MUS81: variants seen among roughly 807,000 people sequenced by gnomAD.
The protein encoded by MUS81 is MUS81 structure-specific endonuclease subunit.
In MUS81, 69 loss-of-function variants were observed where a neutral mutation model predicts 74.2. The ratio of observed to expected loss-of-function variants is 0.93; its 90% CI spans 0.77 to 1.14. MUS81 has a LOEUF of 1.14. Among genes scored for constraint, MUS81 ranks in the 50% most tolerant of loss-of-function variants. The probability of loss-of-function intolerance (pLI) is 0.00; values close to 1 mark genes in which losing one functional copy is unlikely to be tolerated. For synonymous variants in MUS81, 303 were observed against 300.6 expected, an observed-to-expected ratio of 1.01 and a Z score of -0.08; for missense variants, 711 against 726.5, an observed-to-expected ratio of 0.98 and a Z score of 0.25.
intron 2 of MUS81, 84 bp downstream of exon 2, chr11:65,861,186 A>G (rs914626419): frequency 2.5e-4 from 404 of 1,596,176 alleles, no homozygotes; most frequent in Non-Finnish European, 2.1e-4. Flanking sequence ...TTGGCTTTTA[A>G]GCTCCCCACT....
rs763891150 is a variant in MUS81 at position 65,864,748 on chromosome 11, C to G, written c.1205C>G (p.Thr402Arg). ...ATTGATGGCTTTTTTGTGAAGCGCACAGCAGACATTAAGGAGTCAGCCGCC... is the reference window on the plus strand; with the variant it reads ...ATTGATGGCTTTTTTGTGAAGCGCAGAGCAGACATTAAGGAGTCAGCCGCC... ...QVIDGFFVKR[T>R]ADIKESAAYL... The change falls in exon 12 of 16, where the codon ACA becomes AGA. Residue 402 changes from threonine (T) to arginine (R), a missense_variant. Physicochemically the swap from Thr to Arg is moderately conservative, Grantham distance 71. Coordinates refer to ENST00000308110, the MANE Select transcript of MUS81 (RefSeq NM_025128.5). 1.9e-6 allele frequency: 3 copies of G among 1,614,098 alleles called. No individual in the cohort carries two copies. The highest frequency in any genetic ancestry group is 1.6e-4 in the Middle Eastern group (1 of 6,062).
chr11:65,860,967 G>C lies in MUS81; in HGVS notation c.136-6G>C. ...CTGACCAGGTACCCTACCCCTGCCC[G>C]GCCAGGCGCTGCGTTCCCTCCGACG... On this transcript the variant is annotated splice_region_variant and splice_polypyrimidine_tract_variant and intron_variant, in intron 1 of 15. Coordinates refer to ENST00000308110, the MANE Select transcript of MUS81 (RefSeq NM_025128.5). 6.2e-7 allele frequency: 1 copy of C among 1,611,470 alleles called. No individual in the cohort carries two copies.
chr11:65,864,647 A>G, intron 11 of MUS81, 34 bp downstream of exon 11: 2 of 1,611,878 alleles, frequency 1.2e-6, no homozygotes, highest in Non-Finnish European at 1.7e-6. Context: ...GCAGGCAGGC[A>G]GGGGCCCCTG....
Position 65,864,937 on chromosome 11 carries a change from C to T in MUS81, c.1273-80C>T. 4 of 1,593,098 alleles carry T rather than the reference C, an allele frequency of 2.5e-6. No homozygotes were observed. In the Admixed American group the frequency reaches 5.1e-5, roughly 20 times the overall value. The stretch of plus-strand genomic sequence containing the variant: ...GATCCCCATTTCTCAGGCTGGCCCC[C>T]CAAGGCTGAGGACTGGGCAGGGGCT... On this transcript the variant is annotated intron_variant, in intron 12 of 15. Transcript: ENST00000308110.
chr11:65,862,499 A>C lies in MUS81; in HGVS notation c.575A>C (p.Asn192Thr), dbSNP rs773358939. 2 of 1,613,572 alleles carry C rather than the reference A, an allele frequency of 1.2e-6. No individual in the cohort carries two copies. The highest frequency in any genetic ancestry group is 1.3e-5 in the African/African-American group (1 of 74,924). ...GCCCTCCGCTCCCTCCTTCACAGGA[A>C]CCTGGTCCTCAGGACACACCAGCCA... Reference protein sequence around the residue: ...WPALRSLLHRNLVLRTHQPAR... With the variant: ...WPALRSLLHRTLVLRTHQPAR... The change falls in exon 6 of 16, where the codon AAC (asparagine) becomes ACC (threonine). Residue 192 changes from asparagine to threonine, a missense_variant. Coordinates refer to ENST00000308110, the MANE Select transcript of MUS81 (RefSeq NM_025128.5).
At position 65,863,701 on chromosome 11, in the gene MUS81, A is replaced by G; in HGVS notation, c.941A>G (p.Glu314Gly). 2 of 1,614,022 alleles carry G rather than the reference A, an allele frequency of 1.2e-6. No homozygotes were observed. The highest frequency in any genetic ancestry group is 1.7e-6 in the Non-Finnish European group (2 of 1,179,968). The change falls in exon 9 of 16, where the codon GAG (glutamate) becomes GGG (glycine). Residue 314 changes from glutamate (E) to glycine (G), a missense_variant. By Grantham distance (98) the Glu-to-Gly change is moderately conservative. Transcript: ENST00000308110. The stretch of plus-strand genomic sequence containing the variant: ...GGAGATTTTGTGTGGGTGGCCCAGG[A>G]GACCAATCCTAGAGACCCAGGTGAA... ...HVGDFVWVAQETNPRDPANPG... is the reference protein window; with the variant it reads ...HVGDFVWVAQGTNPRDPANPG...
chr11:65,867,098 G>T (rs543697634), downstream of MUS81: 2 of 1,613,604 alleles, frequency 1.2e-6, no homozygotes, highest in Non-Finnish European at 8.5e-7. Flanking sequence ...CAGTGGGTGG[G>T]GGGACATATA....
At chr11:65,862,951 C>A (rs934787592) in intron 6 of MUS81, 114 bp from the exon 7 acceptor site, 2 of 1,374,692 alleles carry the variant, frequency 1.5e-6, no homozygotes, top group South Asian at 2.4e-5. Flanking sequence ...CCACTGGGGT[C>A]ATTTGTGCAG....
intron 14 of MUS81, 119 bp from the exon 15 acceptor site, chr11:65,865,692 G>A: frequency 9.4e-7 from 1 of 1,058,500 alleles, no homozygotes; most frequent in Non-Finnish European, 1.4e-6. Flanking sequence ...GCCAAGCTCA[G>A]GAAGTGGGGC....
chr11:65,866,636 G>A (rs572394429), downstream of MUS81: 554 of 703,324 alleles, frequency 7.9e-4, no homozygotes, highest in Non-Finnish European at 1.2e-3. Context: ...CGCCCTCCTC[G>A]TTACCTCCTC....
In MUS81 at chr11:65,860,769, C is replaced by G; in HGVS notation, c.16C>G (p.Arg6Gly). 1 of 1,535,150 alleles carries G rather than the reference C, an allele frequency of 6.5e-7. No homozygotes were observed. The change falls in exon 1 of 16, where the codon CGC becomes GGC. Residue 6 changes from arginine to glycine, a missense_variant. By Grantham distance (125) the Arg-to-Gly change is moderately radical. Coordinates refer to ENST00000308110, the MANE Select transcript of MUS81 (RefSeq NM_025128.5). The part of the protein sequence containing the change: MAAPV[R>G]LGRKRPLPAC... ...CCTCGGGCTCATGGCGGCCCCGGTC[C>G]GCCTGGGCCGGAAGCGCCCGCTGCC...
At position 65,865,324 on chromosome 11, in the gene MUS81, G is replaced by T. The variant is rs113133056; in HGVS notation, c.1505+1G>T. ...TGGATCGATACAGCACCCCTGCCAG[G>T]TAGGCCCTAAAGGGCCCTTAGGTGT... On this transcript the variant is annotated splice_donor_variant, in intron 14 of 15. Coordinates refer to ENST00000308110, the MANE Select transcript of MUS81 (RefSeq NM_025128.5). LOFTEE classifies it high-confidence loss of function. 1 of 1,613,346 alleles carries T rather than the reference G, an allele frequency of 6.2e-7. No homozygotes were observed. The highest frequency in any genetic ancestry group is 8.5e-7 in the Non-Finnish European group (1 of 1,179,624).
intron 3 of MUS81, chr11:65,861,678 A>T: frequency 1.7e-6 from 1 of 601,382 alleles, no homozygotes; most frequent in Non-Finnish European, 2.9e-6. Context: ...CGGGGTCACC[A>T]TTATTGAGTT....
chr11:65,860,419 C>G, upstream of MUS81: 1 of 511,118 alleles, frequency 2.0e-6, no homozygotes. Flanking sequence ...AGACCCCGCT[C>G]TCGAATCTGG....
chr11:65,865,397 C>T (rs1047015856), intron 14 of MUS81, 74 bp downstream of exon 14: 6 of 1,432,554 alleles, frequency 4.2e-6, no homozygotes, highest in Non-Finnish European at 4.8e-6. Context: ...ATCCATGCTT[C>T]GTGGAGGGGG....
intron 7 of MUS81, 21 bp from the exon 8 acceptor site, chr11:65,863,389 A>C: frequency 6.2e-7 from 1 of 1,613,892 alleles, no homozygotes. Flanking sequence ...CTGGCCTCAC[A>C]TACCAACACC....
At chr11:65,865,501 T>C (rs1452984418) in intron 14 of MUS81, 178 bp downstream of exon 14, 27 of 686,468 alleles carry the variant, frequency 3.9e-5, no homozygotes, top group Non-Finnish European at 6.3e-5. Context: ...GCCCACATAG[T>C]GTCCCAGGTA....
In MUS81 at chr11:65,862,287, C is replaced by T. The variant is rs1409291451; in HGVS notation, c.519+8C>T. On this transcript the variant is annotated splice_region_variant and intron_variant, in intron 5 of 15. Transcript: ENST00000308110. Reference sequence around the variant, plus strand: ...GCTCAGAAGTCCCCCAGGGTGAGCACAGGGATCAGGGAGGACAGGCCCAAG... The same window carrying T: ...GCTCAGAAGTCCCCCAGGGTGAGCATAGGGATCAGGGAGGACAGGCCCAAG... 1.2e-5 allele frequency: 19 copies of T among 1,613,538 alleles called. No individual in the cohort carries two copies. The highest frequency in any genetic ancestry group is 1.5e-5 in the Non-Finnish European group (18 of 1,179,930).
Position 65,861,026 on chromosome 11 carries a change from T to C in MUS81, c.189T>C (p.Ala63=), listed in dbSNP as rs1172276863. The change falls in exon 2 of 16, where the codon GCT becomes GCC. Residue 63 remains alanine, a synonymous_variant. Coordinates refer to ENST00000308110, the MANE Select transcript of MUS81 (RefSeq NM_025128.5). ...TGCCGCTGCGCAGCGGGAAGGAAGC[T>C]AAGATCCTACAGCACTTCGGAGACG... is the stretch of plus-strand genomic sequence containing the variant. ...YPLPLRSGKE[A]KILQHFGDGL... is the part of the protein sequence containing the mutation. 2.5e-6 allele frequency: 4 copies of C among 1,612,550 alleles called. No homozygotes were observed. Among genetic ancestry groups the C allele is most frequent in the Non-Finnish European group, 3.4e-6 (4 of 1,179,942 alleles).
Sources: allele counts gnomAD v4.1 joint callset, GRCh38; gene constraint gnomAD v4.1.1; transcripts MANE v1.5; gene names NCBI Gene and HGNC (gene_info 2026-07-23, HGNC 2026-07-21).